PCNX2: variants seen among roughly 807,000 people sequenced by gnomAD.
PCNX2 encodes pecanex-like protein 2.
A neutral mutation model predicts 223.8 loss-of-function variants in PCNX2; 168 were observed. The ratio of observed to expected loss-of-function variants is 0.75; its 90% CI spans 0.66 to 0.85. PCNX2 has a LOEUF of 0.85. Ranked by LOEUF, PCNX2 falls within the 40% of genes least tolerant of loss-of-function variation. The pLI is 0.00. For synonymous variants in PCNX2, 1,006 were observed against 1,052.6 expected (o/e 0.96, Z 0.86); for missense variants, 2,507 against 2,675.5 (o/e 0.94, Z 1.39).
intron 25 of PCNX2, among the ~76,000 whole-genome samples, chr1:233,027,205 G>A (rs1671108879): frequency 6.6e-6 from 1 of 152,120 alleles, no homozygotes; most frequent in Non-Finnish European, 1.5e-5. Flanking sequence ...CAAATTACAT[G>A]AAGAATTAAC....
At position 233,139,822 on chromosome 1, in the gene PCNX2, T is replaced by C. The variant is rs375856256; in HGVS notation, c.3551A>G (p.Tyr1184Cys). Reference sequence around the variant, plus strand: ...TTTTTCAAAACACTGAAGCCAAACATAGAGTCTTTCGAACCACATTAAATG... The same window carrying C: ...TTTTTCAAAACACTGAAGCCAAACACAGAGTCTTTCGAACCACATTAAATG... ...VAHLMWFERL[Y>C]VWLQCFEKYI... The change falls in exon 20 of 34, where the codon TAT (tyrosine) becomes TGT (cysteine). Residue 1184 changes from tyrosine to cysteine, a missense_variant. Transcript: ENST00000258229. The surrounding 1 kb of genome is among the most constrained non-coding windows in gnomAD (Gnocchi z 4.4). The C allele has an allele frequency of 4.5e-5, 73 of 1,613,454 alleles. No individual in the cohort carries two copies. In the Admixed American group the frequency reaches 5.5e-4, roughly 12 times the overall value.
chr1:233,184,896 T>G (rs1282775901), intron 15 of PCNX2, among the ~76,000 whole-genome samples: 1 of 151,982 alleles, frequency 6.6e-6, no homozygotes, highest in Non-Finnish European at 1.5e-5. Context: ...CTAATTTTCA[T>G]GTTTACTTGC....
At chr1:233,205,837 T>C (rs61823925) in intron 13 of PCNX2, among the ~76,000 whole-genome samples, 44,613 of 152,138 alleles carry the variant, frequency 0.29, 7,313 homozygotes, top group East Asian at 0.56. Context: ...GGGTCTCTGC[T>C]TTGCCTTTTC....
Position 232,984,493 on chromosome 1 carries a change from G to GAGA in PCNX2, c.6241-19_6241-17dup. 6.2e-7 allele frequency: 1 copy of GAGA among 1,609,774 alleles called. No homozygotes were observed. Among genetic ancestry groups the GAGA allele is most frequent in the Non-Finnish European group, 8.5e-7 (1 of 1,178,072 alleles). ...CGGAGAGGTGCTTCCAAAGAGAAGA[G>GAGA]AGAAACAGTGAACAGCTCAGCAAAC... is the stretch of plus-strand genomic sequence containing the variant. On this transcript the variant is annotated splice_polypyrimidine_tract_variant and intron_variant, in intron 33 of 33. Coordinates refer to ENST00000258229, the MANE Select transcript of PCNX2 (RefSeq NM_014801.4).
In PCNX2 at chr1:233,267,455, A is replaced by T. The variant is rs572609509; in HGVS notation, c.154-4292T>A. Among the ~76,000 whole-genome samples, 20 of 152,258 alleles carry T rather than the reference A, an allele frequency of 1.3e-4. No homozygotes were observed. The South Asian group carries it at 1.9e-3, about 14-fold the overall frequency. ...CACTTGCCTGTGTGCTACCGTCACC[A>T]CCATCCATCTCCAGAATTTTTATCT... On this transcript the variant is annotated intron_variant, in intron 1 of 33. Transcript: ENST00000258229.
rs1349336509 is a variant in PCNX2 at position 233,050,422 on chromosome 1, T to C, written c.4351+3846A>G. On this transcript the variant is annotated intron_variant, in intron 25 of 33. Coordinates refer to ENST00000258229, the MANE Select transcript of PCNX2 (RefSeq NM_014801.4). ...AATCCAGAGGCATCAATTACCCAAC[T>C]TCAAACTATACTCTAAGCCTATAGT... Among the ~76,000 whole-genome samples the C allele has an allele frequency of 1.0e-4, 15 of 150,722 alleles. No individual in the cohort carries two copies. The East Asian group carries it at 2.7e-3, about 27-fold the overall frequency.
intron 13 of PCNX2, among the ~76,000 whole-genome samples, chr1:233,207,404 T>C (rs1242984169): frequency 6.6e-6 from 1 of 152,170 alleles, no homozygotes; most frequent in East Asian, 1.9e-4. Context: ...GAAGCTGCCC[T>C]TTATCAACTC....
In PCNX2 at chr1:232,986,098, G is replaced by A; in HGVS notation, c.6234C>T (p.Ala2078=). The A allele has an allele frequency of 6.4e-7, 1 of 1,560,898 alleles. No individual in the cohort carries two copies. The highest frequency in any genetic ancestry group is 8.7e-7 in the Non-Finnish European group (1 of 1,151,818). Reference sequence around the variant, plus strand: ...GCCCTGCCCAGCCCCTTACCCGAGTGGCCTGGCTGGCAGCCCTGGCTGAGG... The same window carrying A: ...GCCCTGCCCAGCCCCTTACCCGAGTAGCCTGGCTGGCAGCCCTGGCTGAGG... ...MGPSARAASQ[A]TRHLSEPCEP... Residue 2078 remains alanine (A), a synonymous_variant, in exon 33 of 34, where the codon GCC becomes GCT. Transcript: ENST00000258229.
Position 233,000,139 on chromosome 1 carries a change from C to T in PCNX2, c.5328+166G>A, listed in dbSNP as rs1333943108. On this transcript the variant is annotated intron_variant, in intron 30 of 33. Transcript: ENST00000258229. The surrounding 1 kb of genome is among the most constrained non-coding windows in gnomAD (Gnocchi z 4.6). ...ACACAGCACCCAGCCTGGCACCATG[C>T]CCTGCCCCACTTGCCAGCCAGCGCT... 1.3e-5 allele frequency among the ~76,000 whole-genome samples: 2 copies of T among 152,186 alleles called. No individual in the cohort carries two copies. The highest frequency in any genetic ancestry group is 1.3e-4 in the Admixed American group (2 of 15,286).
chr1:233,130,314 C>T (rs1309507692), intron 21 of PCNX2, among the ~76,000 whole-genome samples: 1 of 152,056 alleles, frequency 6.6e-6, no homozygotes, highest in Admixed American at 6.6e-5. Context: ...CTCAACCCCC[C>T]CACCCACAAA....
intron 15 of PCNX2, among the ~76,000 whole-genome samples, chr1:233,195,604 C>A (rs1680682295): frequency 6.6e-6 from 1 of 152,092 alleles, no homozygotes; most frequent in Non-Finnish European, 1.5e-5. Context: ...GTTTAGCAAG[C>A]TTGCAAGATA....
At chr1:232,993,750 G>A (rs1669785123) in intron 32 of PCNX2, among the ~76,000 whole-genome samples, 1 of 152,178 alleles carries the variant, frequency 6.6e-6, no homozygotes, top group African/African-American at 2.4e-5. Flanking sequence ...CATGGGCTGG[G>A]CCACGGACCC....
At chr1:233,082,213 G>A (rs187233938) in intron 23 of PCNX2, among the ~76,000 whole-genome samples, 22 of 152,254 alleles carry the variant, frequency 1.4e-4, no homozygotes, top group Non-Finnish European at 2.5e-4. Context: ...TGAATGTTAG[G>A]ACTGGAATGA....
At chr1:233,223,984 T>C (rs1411416220) in intron 10 of PCNX2, among the ~76,000 whole-genome samples, 2 of 152,142 alleles carry the variant, frequency 1.3e-5, no homozygotes. Context: ...TCTCAGGCCT[T>C]TATGTGCTTC....
Position 233,118,493 on chromosome 1 carries a change from A to C in PCNX2, c.3837+16520T>G, listed in dbSNP as rs1342690342. On this transcript the variant is annotated intron_variant, in intron 21 of 33. Transcript: ENST00000258229. ...CATAGAAAATCTCAAGGCACCTACA[A>C]AAAAAAAAAAAAAAAAAACCCTCCC... Among the ~76,000 whole-genome samples the C allele has an allele frequency of 3.4e-3, 63 of 18,514 alleles. 1 individual carries two copies. The highest frequency in any genetic ancestry group is 9.7e-3 in the African/African-American group (55 of 5,650). The allele number at this position is 18,514 out of a possible 152,430, so 12.1% of individuals were successfully genotyped here. A position where few individuals can be genotyped will look rare whatever the true frequency, so the allele number is the denominator to read the frequency against.
intron 13 of PCNX2, among the ~76,000 whole-genome samples, chr1:233,207,842 G>C (rs1403956077): frequency 6.6e-6 from 1 of 152,144 alleles, no homozygotes; most frequent in Admixed American, 6.5e-5. Flanking sequence ...AAGACTGGGT[G>C]ATCTGAGTAT....
At chr1:233,325,306 A>G in the PCNX2 span, among the ~76,000 whole-genome samples, 1 of 152,106 alleles carries the variant, frequency 6.6e-6, no homozygotes. Flanking sequence ...GAAGTTCACG[A>G]CTTCAGAGGA....
intron 23 of PCNX2, among the ~76,000 whole-genome samples, chr1:233,063,664 A>C (rs1672487542): frequency 2.0e-5 from 3 of 151,906 alleles, no homozygotes; most frequent in African/African-American, 7.3e-5. Flanking sequence ...GAAATTGAGG[A>C]TTCATGTCTT....
rs1185021085 is a variant in PCNX2 at position 233,258,454 on chromosome 1, A to G, written c.1408T>C (p.Tyr470His). The G allele has an allele frequency of 6.2e-7, 1 of 1,613,936 alleles. No homozygotes were observed. Among genetic ancestry groups the G allele is most frequent in the Admixed American group, 1.7e-5 (1 of 60,010 alleles). The change falls in exon 5 of 34, where the codon TAC (tyrosine) becomes CAC (histidine). Residue 470 changes from tyrosine to histidine, a missense_variant. By Grantham distance (83) the Tyr-to-His change is moderately conservative. Transcript: ENST00000258229. ...GCATTTCCCCCCTCCCCAGATCCGT[A>G]GCCAGAACACTGATTGGTGGATACC... ...TRVSTNQCSG[Y>H]GSGEGGNAIK... is the part of the protein sequence containing the mutation.
Sources: gnomAD v4.1 joint callset for allele counts (sites outside exome capture counted in the v4.1 genomes callset) on GRCh38, gnomAD v4.1.1 for gene constraint, Gnocchi (gnomAD v3.1) non-coding constraint, MANE v1.5 for transcripts, NCBI Gene and HGNC (gene_info 2026-07-23, HGNC 2026-07-21) for gene names.